The following SCUBE3 variants were observed in gnomAD, a reference collection of about 807,000 sequenced individuals.
The protein encoded by SCUBE3 is signal peptide, CUB domain and EGF like domain containing 3.
In SCUBE3, 33 loss-of-function variants were observed where a neutral mutation model predicts 116.8. The ratio of observed to expected loss-of-function variants is 0.28; its 90% CI spans 0.21 to 0.38. The LOEUF is 0.38. Ranked by LOEUF, SCUBE3 falls within the 10% of genes least tolerant of loss-of-function variation. The pLI is 1.00. For missense variants in SCUBE3, 1,007 were observed against 1,324.8 expected, an observed-to-expected ratio of 0.76 and a Z score of 3.72; for synonymous variants, 418 against 496.9, an observed-to-expected ratio of 0.84 and a Z score of 2.11.
At chr6:35,224,939 G>T (rs1373561445) in intron 1 of SCUBE3, among the ~76,000 whole-genome samples, 1 of 152,180 alleles carries the variant, frequency 6.6e-6, no homozygotes, top group African/African-American at 2.4e-5. Flanking sequence ...TATTTCTGTG[G>T]TGTTGGAAAT....
chr6:35,227,648 T>TGTTCTG lies in SCUBE3; in HGVS notation c.154_155insGTTCTG (p.Ser52delinsCysSerAla). 6.2e-7 allele frequency: 1 copy of TGTTCTG among 1,614,010 alleles called. No individual in the cohort carries two copies. Among genetic ancestry groups the TGTTCTG allele is most frequent in the Non-Finnish European group, 8.5e-7 (1 of 1,179,950 alleles). On this transcript the variant is annotated protein_altering_variant, in exon 2 of 22. Coordinates refer to ENST00000274938, the MANE Select transcript of SCUBE3 (RefSeq NM_152753.4). ...TGCTATCTGCCAGAACACCCCGAGG[T>TGTTCTG]CATACAAGTGCATCTGCAAGTCTGG...
chr6:35,222,243 T>G (rs983757919), intron 1 of SCUBE3: 1 of 152,220 alleles, frequency 6.6e-6, no homozygotes, highest in African/African-American at 2.4e-5. Context: ...TGAGCTGGGC[T>G]TGGGCAAACT....
At position 35,228,550 on chromosome 6, in the gene SCUBE3, A is replaced by G. The variant is rs113269243; in HGVS notation, c.209-64A>G. On this transcript the variant is annotated intron_variant, in intron 2 of 21. Coordinates refer to ENST00000274938, the MANE Select transcript of SCUBE3 (RefSeq NM_152753.4). The surrounding 1 kb of genome is among the most constrained non-coding windows in gnomAD (Gnocchi z 4.9). ...CTATGTAAACACAACCATAAGGCTG[A>G]GTCTGGGGGTGGACAGTGGGTTCGC... is the stretch of plus-strand genomic sequence containing the variant. The G allele has an allele frequency of 2.5e-6, 4 of 1,580,630 alleles. No individual in the cohort carries two copies. Among genetic ancestry groups the G allele is most frequent in the Non-Finnish European group, 3.5e-6 (4 of 1,154,854 alleles).
Position 35,243,679 on chromosome 6 carries a change from G to A in SCUBE3, c.1995G>A (p.Gly665=), listed in dbSNP as rs1784191365. ...CGGGCACCTTCCAGGAGAGAGAAGG[G>A]CAGCTCTCCTGCGACCTTTGCCCTG... ...CPAGTFQERE[G]QLSCDLCPGS... is the part of the protein sequence containing the mutation. Residue 665 remains glycine, a synonymous_variant, in exon 16 of 22, where the codon GGG becomes GGA. Coordinates refer to ENST00000274938, the MANE Select transcript of SCUBE3 (RefSeq NM_152753.4). This position sits in a 1 kb window ranked among gnomAD's most constrained non-coding sequence, Gnocchi z 6.6. 2 of 1,613,802 alleles carry A rather than the reference G, an allele frequency of 1.2e-6. No individual in the cohort carries two copies. Among genetic ancestry groups the A allele is most frequent in the East Asian group, 4.5e-5 (2 of 44,874 alleles).
In SCUBE3 at chr6:35,214,486, A is replaced by G; in HGVS notation, c.68A>G (p.Tyr23Cys). The part of the protein sequence containing the change: ...VLLVHARAAQ[Y>C]SKAAQDVDEC... ...CTGGTCCACGCCCGCGCCGCCCAGT[A>G]CAGCAAAGCCGCGCAAGGTAAGGAA... The change falls in exon 1 of 22, where the codon TAC becomes TGC. Residue 23 changes from tyrosine to cysteine, a missense_variant. Around this residue, in one of 5 missense-constraint regions of SCUBE3, gnomAD observed 94 missense variants for 92.0 expected, o/e 1.02. Coordinates refer to ENST00000274938, the MANE Select transcript of SCUBE3 (RefSeq NM_152753.4). The surrounding 1 kb of genome is among the most constrained non-coding windows in gnomAD (Gnocchi z 6.3). 6.7e-7 allele frequency: 1 copy of G among 1,502,842 alleles called. No homozygotes were observed. Among genetic ancestry groups the G allele is most frequent in the Non-Finnish European group, 8.9e-7 (1 of 1,129,386 alleles). 93.1% of individuals were successfully genotyped at this position (1,502,842 alleles called of 1,614,324 possible).
rs1051781063 is a variant in SCUBE3 at position 35,250,003 on chromosome 6, G to C, written c.*1298G>C. The C allele has an allele frequency of 3.3e-5, 5 of 152,804 alleles. No individual in the cohort carries two copies. Among genetic ancestry groups the C allele is most frequent in the African/African-American group, 1.2e-4 (5 of 41,578 alleles). 9.5% of individuals were successfully genotyped at this position (152,804 alleles called of 1,614,324 possible). A position where few individuals can be genotyped will look rare whatever the true frequency, so the allele number is the denominator to read the frequency against. On this transcript the variant is annotated 3_prime_UTR_variant, in exon 22 of 22. Coordinates refer to ENST00000274938, the MANE Select transcript of SCUBE3 (RefSeq NM_152753.4). Reference sequence around the variant, plus strand: ...ATTTATAGCTGCCCAAGAGAAAAGAGTGTATGTTTGGAGTGGAAGAAAATC... The same window carrying C: ...ATTTATAGCTGCCCAAGAGAAAAGACTGTATGTTTGGAGTGGAAGAAAATC...
At chr6:35,237,708 C>T (rs567322437) in intron 6 of SCUBE3, among the ~76,000 whole-genome samples, 194 bp from the exon 7 acceptor site, 73 of 152,248 alleles carry the variant, frequency 4.8e-4, no homozygotes, top group Non-Finnish European at 8.2e-4. Context: ...CTTGGCTGTA[C>T]TTGTGAGGGG....
intron 6 of SCUBE3, among the ~76,000 whole-genome samples, 187 bp from the exon 7 acceptor site, chr6:35,237,715 G>C (rs1486619353): frequency 1.3e-5 from 2 of 152,186 alleles, no homozygotes; most frequent in Non-Finnish European, 2.9e-5. Context: ...GTACTTGTGA[G>C]GGGATGGGGG....
chr6:35,231,025 C>A lies in SCUBE3; in HGVS notation c.335-700C>A, dbSNP rs375292217. Among the ~76,000 whole-genome samples the A allele has an allele frequency of 1.4e-4, 22 of 152,240 alleles. No individual in the cohort carries two copies. The highest frequency in any genetic ancestry group is 3.4e-3 in the Middle Eastern group (1 of 294). On this transcript the variant is annotated intron_variant, in intron 3 of 21. Coordinates refer to ENST00000274938, the MANE Select transcript of SCUBE3 (RefSeq NM_152753.4). The surrounding 1 kb of genome is among the most constrained non-coding windows in gnomAD (Gnocchi z 4.2). ...CCTACTGTTCTCCCTGCCCCCCACC[C>A]CCACCATCTAGGGTGTGGCCTGGCA... is the stretch of plus-strand genomic sequence containing the variant.
In SCUBE3 at chr6:35,241,865, C is replaced by T; in HGVS notation, c.1372C>T (p.Arg458Ter). 1.9e-6 allele frequency: 3 copies of T among 1,612,186 alleles called. No individual in the cohort carries two copies. Among genetic ancestry groups the T allele is most frequent in the Non-Finnish European group, 2.5e-6 (3 of 1,179,966 alleles). ...GTPSPRAAPA[R>*]AGHNGNSTNS... ...CCCCAGCCCCAGGGCTGCTCCAGCC[C>T]GAGCTGGCCACAATGGGAACAGCAC... Residue 458 changes from arginine (R) to a stop codon, truncating the protein, a stop_gained, in exon 12 of 22, where the codon CGA becomes TGA. Coordinates refer to ENST00000274938, the MANE Select transcript of SCUBE3 (RefSeq NM_152753.4). LOFTEE classifies it high-confidence loss of function. The surrounding 1 kb of genome is among the most constrained non-coding windows in gnomAD (Gnocchi z 4.1).
In SCUBE3 at chr6:35,219,373, T is replaced by C. The variant is rs991642213; in HGVS notation, c.85+4870T>C. Among the ~76,000 whole-genome samples, 6 of 152,154 alleles carry C rather than the reference T, an allele frequency of 3.9e-5. No homozygotes were observed. Among genetic ancestry groups the C allele is most frequent in the Non-Finnish European group, 8.8e-5 (6 of 68,030 alleles). On this transcript the variant is annotated intron_variant, in intron 1 of 21. Transcript: ENST00000274938. This position sits in a 1 kb window ranked among gnomAD's most constrained non-coding sequence, Gnocchi z 4.7. ...TCTGTATTCTGCCCTAGCCTAGACA[T>C]GTCCCCCTGCAGATCAAGCACTGCT...
chr6:35,225,555 T>A (rs1434328443), intron 1 of SCUBE3, among the ~76,000 whole-genome samples: 1 of 152,104 alleles, frequency 6.6e-6, no homozygotes, highest in Admixed American at 6.5e-5. Context: ...GGAGAGTAAG[T>A]GTAGACAGAG....
chr6:35,239,647 C>A lies in SCUBE3; in HGVS notation c.830-105C>A. ...AGATCAAGAAGAGGCAGGCCCAGGA[C>A]TCCTTGATTTTTGCATGTCTCTGTC... On this transcript the variant is annotated intron_variant, in intron 7 of 21. Transcript: ENST00000274938. This position sits in a 1 kb window ranked among gnomAD's most constrained non-coding sequence, Gnocchi z 4.1. The A allele has an allele frequency of 9.9e-7, 1 of 1,007,300 alleles. No individual in the cohort carries two copies. Among genetic ancestry groups the A allele is most frequent in the Non-Finnish European group, 1.5e-6 (1 of 661,404 alleles). The allele number at this position is 1,007,300 out of a possible 1,614,324, so 62.4% of individuals were successfully genotyped here.
In SCUBE3 at chr6:35,242,696, C is replaced by T. The variant is rs772093718; in HGVS notation, c.1609C>T (p.Arg537Ter). Residue 537 changes from arginine (R) to a stop codon, truncating the protein, a stop_gained, in exon 14 of 22, where the codon CGA becomes TGA. Coordinates refer to ENST00000274938, the MANE Select transcript of SCUBE3 (RefSeq NM_152753.4). LOFTEE classifies it high-confidence loss of function. ...TGACTCCTCTCGGAAGGGCAAGGGCCGACGGGCCCGGACCCCTCCAGGCAA... is the reference window on the plus strand; with the variant it reads ...TGACTCCTCTCGGAAGGGCAAGGGCTGACGGGCCCGGACCCCTCCAGGCAA... ...KCDSSRKGKG[R>*]RARTPPGKEV... The T allele has an allele frequency of 1.9e-6, 3 of 1,614,010 alleles. No individual in the cohort carries two copies. Among genetic ancestry groups the T allele is most frequent in the Non-Finnish European group, 1.7e-6 (2 of 1,179,990 alleles).
chr6:35,245,895 TTGGGTA>T lies in SCUBE3; in HGVS notation c.2600-48_2600-43del. ...TGTACAGCCCACGTTCTAGGAGGGC[TTGGGTA>T]GCCTGCCCTGCTGCTCTACTGACCT... is the stretch of plus-strand genomic sequence containing the variant. On this transcript the variant is annotated intron_variant, in intron 19 of 21. Coordinates refer to ENST00000274938, the MANE Select transcript of SCUBE3 (RefSeq NM_152753.4). The surrounding 1 kb of genome is among the most constrained non-coding windows in gnomAD (Gnocchi z 4.2). 6.2e-7 allele frequency: 1 copy of T among 1,602,392 alleles called. No homozygotes were observed.
In SCUBE3 at chr6:35,241,177, G is replaced by A. The variant is rs760903010; in HGVS notation, c.1106G>A (p.Arg369His). Residue 369 changes from arginine to histidine, a missense_variant, in exon 10 of 22, where the codon CGC (arginine) becomes CAC (histidine). Coordinates refer to ENST00000274938, the MANE Select transcript of SCUBE3 (RefSeq NM_152753.4). The surrounding 1 kb of genome is among the most constrained non-coding windows in gnomAD (Gnocchi z 4.1). Reference protein sequence around the residue: ...DECSINRGGCRFGCINTPGSY... With the variant: ...DECSINRGGCHFGCINTPGSY... ...TGCAGCATCAACCGGGGAGGTTGCCGCTTTGGCTGCATCAACACTCCTGGC... is the reference window on the plus strand; with the variant it reads ...TGCAGCATCAACCGGGGAGGTTGCCACTTTGGCTGCATCAACACTCCTGGC... The A allele has an allele frequency of 5.6e-6, 9 of 1,604,184 alleles. No homozygotes were observed. The highest frequency in any genetic ancestry group is 1.7e-4 in the Middle Eastern group (1 of 6,038).
rs553799499 is a variant in SCUBE3, at chr6:35,251,723, A to G, written c.*3018A>G. ...GGCAGATCTTGGTGAGCAGGTAAAA[A>G]CCTGCTATTGTCCACCAAGTTTAAT... On this transcript the variant is annotated 3_prime_UTR_variant, in exon 22 of 22. Transcript: ENST00000274938. 2 of 152,294 alleles carry G rather than the reference A, an allele frequency of 1.3e-5. No individual in the cohort carries two copies. Among genetic ancestry groups the G allele is most frequent in the Admixed American group, 1.3e-4 (2 of 15,298 alleles). 9.4% of individuals were successfully genotyped at this position (152,294 alleles called of 1,614,324 possible).
At position 35,228,771 on chromosome 6, in the gene SCUBE3, A is replaced by C. The variant is rs970484486; in HGVS notation, c.334+32A>C. ...AAAGGAGAGGGGATTTGGTGGAGGG[A>C]TGTCTTGTGGAGAAAGAGATCTTTT... On this transcript the variant is annotated intron_variant, in intron 3 of 21. Coordinates refer to ENST00000274938, the MANE Select transcript of SCUBE3 (RefSeq NM_152753.4). This position sits in a 1 kb window ranked among gnomAD's most constrained non-coding sequence, Gnocchi z 4.9. 1 of 1,610,082 alleles carries C rather than the reference A, an allele frequency of 6.2e-7. No homozygotes were observed. The highest frequency in any genetic ancestry group is 1.7e-5 in the Admixed American group (1 of 59,996).
At chr6:35,234,644 C>T (rs1043486942) in intron 6 of SCUBE3, among the ~76,000 whole-genome samples, 9 of 152,178 alleles carry the variant, frequency 5.9e-5, no homozygotes, top group African/African-American at 2.2e-4. Context: ...CTTTTCAAAG[C>T]TCTCACCACC....
Sources: allele counts gnomAD v4.1 joint callset (sites outside exome capture counted in the v4.1 genomes callset), GRCh38; gene constraint gnomAD v4.1.1; regional missense constraint gnomAD v4.1.1; non-coding constraint Gnocchi (gnomAD v3.1); transcripts MANE v1.5; gene names NCBI Gene and HGNC (gene_info 2026-07-23, HGNC 2026-07-21).